The following KANK4 variants were observed in gnomAD, a reference collection of about 807,000 sequenced individuals.
The protein encoded by KANK4 is KN motif and ankyrin repeat domains 4, also known as KN motif and ankyrin repeat domain-containing protein 4.
KANK4 carries 50 observed loss-of-function variants against 80.8 expected under a neutral mutation model. That is an observed-to-expected ratio of 0.62 (90% CI 0.49 to 0.78). The LOEUF is 0.78. Ranked by LOEUF, KANK4 falls within the 30% of genes least tolerant of loss-of-function variation. KANK4 has a pLI of 0.00. For synonymous variants in KANK4, 465 were observed against 506.9 expected (o/e 0.92, Z 1.11); for missense variants, 1,196 against 1,240.1 (o/e 0.96, Z 0.53).
intron 6 of KANK4, among the ~76,000 whole-genome samples, chr1:62,266,063 A>G (rs1472388618): frequency 1.3e-5 from 2 of 151,900 alleles, no homozygotes; most frequent in East Asian, 1.9e-4. Flanking sequence ...TGCTTTTCAC[A>G]CTCTGTCCAC....
chr1:62,302,765 A>G (rs1338098164), intron 1 of KANK4, among the ~76,000 whole-genome samples: 1 of 152,176 alleles, frequency 6.6e-6, no homozygotes, highest in Non-Finnish European at 1.5e-5. Flanking sequence ...AATAAAATTT[A>G]TTAAAATTTA....
intron 3 of KANK4, chr1:62,271,831 T>A: frequency 2.3e-6 from 1 of 427,110 alleles, no homozygotes; most frequent in Non-Finnish European, 4.4e-6. Flanking sequence ...AAGAACCATG[T>A]GGCGTAGGTG....
intron 1 of KANK4, among the ~76,000 whole-genome samples, chr1:62,312,052 T>C (rs1644502039): frequency 6.6e-6 from 1 of 152,122 alleles, no homozygotes; most frequent in Non-Finnish European, 1.5e-5. Flanking sequence ...ATGGACTCTT[T>C]CTCAGAACAT....
intron 3 of KANK4, chr1:62,271,790 T>G (rs1233213848): frequency 3.8e-6 from 2 of 524,712 alleles, no homozygotes; most frequent in African/African-American, 1.9e-5. Flanking sequence ...GAGAACTGTC[T>G]CTGTTAACAA....
At chr1:62,296,438 C>T (rs1259814666) in intron 1 of KANK4, among the ~76,000 whole-genome samples, 1 of 152,194 alleles carries the variant, frequency 6.6e-6, no homozygotes, top group East Asian at 1.9e-4. Context: ...TGACCTCAAT[C>T]TGCATAATAA....
chr1:62,312,627 A>G (rs4915816), intron 1 of KANK4, among the ~76,000 whole-genome samples: 96,482 of 152,066 alleles, frequency 0.63, 31,421 homozygotes, highest in African/African-American at 0.77. Flanking sequence ...CACCCCTCTC[A>G]TCCAACTGGC....
intron 1 of KANK4, among the ~76,000 whole-genome samples, chr1:62,301,830 C>T (rs1001370848): frequency 1.3e-5 from 2 of 151,990 alleles, no homozygotes; most frequent in Non-Finnish European, 2.9e-5. Context: ...GCACTTGGCA[C>T]CTAACAGCTG....
At position 62,271,530 on chromosome 1, in the gene KANK4, C is replaced by T. The variant is rs746097460; in HGVS notation, c.1960G>A (p.Ala654Thr). The change falls in exon 4 of 10, where the codon GCA becomes ACA. Residue 654 changes from alanine (A) to threonine (T), a missense_variant. Around this residue, in one of 3 missense-constraint regions of KANK4, gnomAD observed 1,154 missense variants for 1,179.6 expected, o/e 0.98. Coordinates refer to ENST00000371153, the MANE Select transcript of KANK4 (RefSeq NM_181712.5). ...TTCTTTTTGGTCCCATTACCTCCTG[C>T]ACGGAAGCCATAGTCTTTCTTTTTC... Reference protein sequence around the residue: ...IMKKKDYGFRAGGNGTKKNLQ... With the variant: ...IMKKKDYGFRTGGNGTKKNLQ... The T allele has an allele frequency of 1.2e-6, 2 of 1,614,134 alleles. No individual in the cohort carries two copies. The highest frequency in any genetic ancestry group is 4.5e-5 in the East Asian group (2 of 44,876).
At chr1:62,306,678 TTGC>T (rs1170501663) in intron 1 of KANK4, among the ~76,000 whole-genome samples, 8 of 152,134 alleles carry the variant, frequency 5.3e-5, no homozygotes, top group Non-Finnish European at 1.2e-4. Context: ...TTTTCAATGT[TTGC>T]TGCTAACTGG....
In KANK4 at chr1:62,273,122, A is replaced by G. The variant is rs540379299; in HGVS notation, c.1900+82T>C. On this transcript the variant is annotated intron_variant, in intron 3 of 9. Coordinates refer to ENST00000371153, the MANE Select transcript of KANK4 (RefSeq NM_181712.5). ...ATCTTTTTAAAAACATGTTAATATA[A>G]TTGAAAACCTTGTTCCCTCTGCCTT... The G allele has an allele frequency of 1.4e-3, 1,387 of 1,016,692 alleles. 15 individuals are homozygous for G. Among genetic ancestry groups the G allele is most frequent in the Non-Finnish European group, 1.2e-4 (85 of 716,810 alleles). The allele number at this position is 1,016,692 out of a possible 1,614,324, so 63.0% of individuals were successfully genotyped here. A position where few individuals can be genotyped will look rare whatever the true frequency, so the allele number is the denominator to read the frequency against.
At chr1:62,242,587 G>A (rs6696307) in intron 9 of KANK4, among the ~76,000 whole-genome samples, 37,057 of 151,856 alleles carry the variant, frequency 0.24, 5,149 homozygotes, top group Non-Finnish European at 0.31. Context: ...GTGGGCTCTG[G>A]GACCCAGAAG....
intron 1 of KANK4, among the ~76,000 whole-genome samples, chr1:62,287,024 C>T (rs752360305): frequency 6.6e-6 from 1 of 152,196 alleles, no homozygotes; most frequent in Non-Finnish European, 1.5e-5. Context: ...CTAACTGCAG[C>T]GCAGACCAGA....
intron 1 of KANK4, among the ~76,000 whole-genome samples, chr1:62,310,824 C>G (rs1335201839): frequency 6.6e-6 from 1 of 151,884 alleles, no homozygotes; most frequent in Non-Finnish European, 1.5e-5. Context: ...CAAAATGGCG[C>G]TGAAGCACTA....
chr1:62,303,510 C>T (rs1460198593), intron 1 of KANK4, among the ~76,000 whole-genome samples: 6 of 152,020 alleles, frequency 3.9e-5, no homozygotes, highest in African/African-American at 1.4e-4. Flanking sequence ...TGCCCAAAAG[C>T]ACCCACCGCC....
chr1:62,259,080 C>A (rs528714588), intron 7 of KANK4, among the ~76,000 whole-genome samples: 41 of 152,138 alleles, frequency 2.7e-4, no homozygotes, highest in African/African-American at 9.9e-4. Context: ...CTGAAGAAGC[C>A]GCCTCTCATG....
At chr1:62,278,488 G>A (rs984462995) in intron 2 of KANK4, among the ~76,000 whole-genome samples, 1 of 151,286 alleles carries the variant, frequency 6.6e-6, no homozygotes, top group East Asian at 1.9e-4. Context: ...CGCCTCCCAG[G>A]TTCAAGTGAT....
At chr1:62,309,430 A>G (rs1167410153) in intron 1 of KANK4, among the ~76,000 whole-genome samples, 2 of 152,220 alleles carry the variant, frequency 1.3e-5, no homozygotes, top group African/African-American at 4.8e-5. Flanking sequence ...ATCCACAGGC[A>G]GTTTAGCTCA....
At chr1:62,269,290 A>G (rs1331404994) in intron 4 of KANK4, among the ~76,000 whole-genome samples, 1 of 152,222 alleles carries the variant, frequency 6.6e-6, no homozygotes, top group Non-Finnish European at 1.5e-5. Context: ...TCCCTAATGG[A>G]GAATGCTGGT....
At chr1:62,260,382 A>C (rs1671856161) in intron 7 of KANK4, among the ~76,000 whole-genome samples, 7 of 147,874 alleles carry the variant, frequency 4.7e-5, no homozygotes, top group Admixed American at 1.3e-4. Flanking sequence ...CTCCCTCTCC[A>C]TCTCTCTCTT....
Sources: gnomAD v4.1 joint callset for allele counts (sites outside exome capture counted in the v4.1 genomes callset) on GRCh38, gnomAD v4.1.1 for gene constraint, gnomAD v4.1.1 regional missense constraint, MANE v1.5 for transcripts, NCBI Gene and HGNC (gene_info 2026-07-23, HGNC 2026-07-21) for gene names.